DOCK1: variants seen among roughly 807,000 people sequenced by gnomAD.
DOCK1 encodes dedicator of cytokinesis protein 1.
Under a neutral mutation model 262.7 loss-of-function variants are expected in DOCK1, and 138 were observed. The observed-to-expected ratio is 0.53, with a 90% confidence interval of 0.46 to 0.61. The LOEUF is 0.61. Ranked by LOEUF, DOCK1 falls within the 20% of genes least tolerant of loss-of-function variation. DOCK1 has a pLI of 0.00. For synonymous variants in DOCK1, 866 were observed against 867.4 expected, an observed-to-expected ratio of 1.00 and a Z score of 0.03; for missense variants, 1,908 against 2,370.7, an observed-to-expected ratio of 0.80 and a Z score of 4.05.
intron 29 of DOCK1, among the ~76,000 whole-genome samples, chr10:127,292,253 A>G (rs1015538033): frequency 2.0e-5 from 3 of 152,120 alleles, no homozygotes; most frequent in African/African-American, 7.2e-5. Context: ...TCTATCTGAA[A>G]ATGCCCATCC....
chr10:126,977,791 G>A (rs1353624573), intron 2 of DOCK1, among the ~76,000 whole-genome samples, 157 bp from the exon 3 acceptor site: 2 of 152,096 alleles, frequency 1.3e-5, no homozygotes, highest in Non-Finnish European at 2.9e-5. Context: ...GGGAAACCAC[G>A]TAGTATATCT....
At chr10:127,442,348 C>T (rs1206592001) in intron 49 of DOCK1, among the ~76,000 whole-genome samples, 5 of 152,142 alleles carry the variant, frequency 3.3e-5, no homozygotes, top group East Asian at 1.9e-4. Flanking sequence ...CAGACCCAGC[C>T]GCAGCCCCAA....
At chr10:127,231,758 T>G (rs2058849714) in intron 27 of DOCK1, among the ~76,000 whole-genome samples, 1 of 152,244 alleles carries the variant, frequency 6.6e-6, no homozygotes, top group Non-Finnish European at 1.5e-5. Flanking sequence ...CCCTTCCTTC[T>G]TGTTTGTGTT....
chr10:127,164,090 G>A (rs961811807), intron 27 of DOCK1, among the ~76,000 whole-genome samples: 9 of 150,004 alleles, frequency 6.0e-5, no homozygotes, highest in African/African-American at 2.2e-4. Context: ...CCCAGGGGAC[G>A]CAGGGGTCAG....
chr10:127,429,842 C>A (rs961486798), intron 47 of DOCK1, among the ~76,000 whole-genome samples: 3 of 149,586 alleles, frequency 2.0e-5, no homozygotes, highest in African/African-American at 7.6e-5. Context: ...CATTGGCCCC[C>A]GTGCCCTCAC....
intron 29 of DOCK1, among the ~76,000 whole-genome samples, chr10:127,291,194 A>G (rs2061334704): frequency 6.6e-6 from 1 of 152,242 alleles, no homozygotes; most frequent in Non-Finnish European, 1.5e-5. Flanking sequence ...AGGGCAGCAC[A>G]GAGGCTCACC....
chr10:127,099,664 C>T (rs1592020848), intron 23 of DOCK1, among the ~76,000 whole-genome samples: 1 of 152,142 alleles, frequency 6.6e-6, no homozygotes, highest in Non-Finnish European at 1.5e-5. Flanking sequence ...AGCGGGAACT[C>T]ACTGGTTACT....
chr10:127,234,732 G>A (rs957047489), intron 27 of DOCK1, among the ~76,000 whole-genome samples: 1 of 151,918 alleles, frequency 6.6e-6, no homozygotes, highest in Non-Finnish European at 1.5e-5. Flanking sequence ...AGTAGGCCTT[G>A]CAATACTGAA....
chr10:127,127,583 AG>A, intron 26 of DOCK1, 85 bp from the exon 27 acceptor site: 1 of 1,048,308 alleles, frequency 9.5e-7, no homozygotes, highest in Non-Finnish European at 1.4e-6. Context: ...TACTCTTTAC[AG>A]GGTAAATGGA....
Position 127,403,088 on chromosome 10 carries a change from C to T in DOCK1, c.3961C>T (p.Leu1321=). 6.2e-7 allele frequency: 1 copy of T among 1,613,026 alleles called. No homozygotes were observed. The highest frequency in any genetic ancestry group is 8.5e-7 in the Non-Finnish European group (1 of 1,179,560). ...GGAGGCCATTGCCTTGGGCAAGGAG[C>T]TAGCCGAGCAGTATGAGAACGAAAT... ...WEEAIALGKE[L]AEQYENEMFD... Residue 1321 remains leucine, a synonymous_variant, in exon 39 of 52, where the codon CTA becomes TTA. Transcript: ENST00000623213.
chr10:127,149,213 C>T (rs1156228941), intron 27 of DOCK1, among the ~76,000 whole-genome samples: 1 of 152,262 alleles, frequency 6.6e-6, no homozygotes, highest in South Asian at 2.1e-4. Flanking sequence ...TTGATGATCC[C>T]TTAGTGCAAC....
chr10:127,205,904 T>C (rs2057697634), intron 27 of DOCK1, among the ~76,000 whole-genome samples: 1 of 152,170 alleles, frequency 6.6e-6, no homozygotes, highest in Admixed American at 6.5e-5. Context: ...TCAGTTATTT[T>C]AAAAGAGTTA....
intron 1 of DOCK1, among the ~76,000 whole-genome samples, chr10:126,925,666 G>T (rs1182361393): frequency 1.3e-5 from 2 of 152,138 alleles, no homozygotes; most frequent in Non-Finnish European, 2.9e-5. Context: ...ACAGGCGTGA[G>T]CCACCCTGGC....
intron 23 of DOCK1, among the ~76,000 whole-genome samples, chr10:127,073,878 G>A (rs1045802878): frequency 4.6e-5 from 7 of 152,196 alleles, no homozygotes; most frequent in African/African-American, 1.7e-4. Flanking sequence ...GGGTTTTGCA[G>A]CTATTCTTTG....
At chr10:126,911,960 G>C (rs1246344424) in intron 1 of DOCK1, among the ~76,000 whole-genome samples, 1 of 152,148 alleles carries the variant, frequency 6.6e-6, no homozygotes, top group Non-Finnish European at 1.5e-5. Context: ...CACAAGACAG[G>C]GTGGCTTAAC....
chr10:127,125,706 G>A, intron 26 of DOCK1, 105 bp downstream of exon 26: 20 of 1,450,080 alleles, frequency 1.4e-5, no homozygotes, highest in Non-Finnish European at 1.7e-5. Flanking sequence ...TGATTTTAAG[G>A]TCTAGCCTCT....
intron 32 of DOCK1, among the ~76,000 whole-genome samples, chr10:127,357,944 T>C (rs2064223501): frequency 6.6e-6 from 1 of 152,014 alleles, no homozygotes; most frequent in African/African-American, 2.4e-5. Context: ...TCCAAATTTA[T>C]GACAGCACAT....
chr10:127,295,829 C>T (rs1360944574), intron 29 of DOCK1, among the ~76,000 whole-genome samples: 11 of 152,176 alleles, frequency 7.2e-5, no homozygotes, highest in Non-Finnish European at 1.6e-4. Context: ...CATTAAGTTC[C>T]TTTTGTTCTT....
chr10:127,400,353 G>A (rs1427644096), intron 38 of DOCK1, among the ~76,000 whole-genome samples: 1 of 152,214 alleles, frequency 6.6e-6, no homozygotes, highest in Non-Finnish European at 1.5e-5. Context: ...AGCGGGTGGG[G>A]GCTCAGTGCC....
Sources: allele counts gnomAD v4.1 joint callset (sites outside exome capture counted in the v4.1 genomes callset), GRCh38; gene constraint gnomAD v4.1.1; transcripts MANE v1.5; gene names NCBI Gene and HGNC (gene_info 2026-07-23, HGNC 2026-07-21).